Variants in CHRNB4 observed in about 807,000 individuals in gnomAD.
The protein encoded by CHRNB4 is cholinergic receptor nicotinic beta 4 subunit, also known as neuronal acetylcholine receptor subunit beta-4.
In CHRNB4, 23 loss-of-function variants were observed where a neutral mutation model predicts 40.4. The ratio of observed to expected loss-of-function variants is 0.57; its 90% CI spans 0.41 to 0.81. CHRNB4 has a LOEUF of 0.81. CHRNB4 is among the 30% of genes least tolerant of loss of function. The probability of loss-of-function intolerance (pLI) is 0.00; values close to 1 mark genes in which losing one functional copy is unlikely to be tolerated. For missense variants in CHRNB4, 568 were observed against 670.6 expected, an observed-to-expected ratio of 0.85 and a Z score of 1.69; for synonymous variants, 285 against 274.4, an observed-to-expected ratio of 1.04 and a Z score of -0.38.
At position 78,635,471 on chromosome 15, in the gene CHRNB4, G is replaced by T; in HGVS notation, c.172C>A (p.Leu58Met). The change falls in exon 2 of 6, where the codon CTG becomes ATG. Residue 58 changes from leucine (L) to methionine (M), a missense_variant. By Grantham distance (15) the Leu-to-Met change is conservative. Coordinates refer to ENST00000261751, the MANE Select transcript of CHRNB4 (RefSeq NM_000750.5). Reference sequence around the variant, plus strand: ...ATAAGCTGGGCCAGGGAGAGCTGCAGCTTGATGGAGATGAGCTGTGAGGAG... The same window carrying T: ...ATAAGCTGGGCCAGGGAGAGCTGCATCTTGATGGAGATGAGCTGTGAGGAG... ...TSSSQLISIK[L>M]QLSLAQLISV... 6.2e-7 allele frequency: 1 copy of T among 1,614,120 alleles called. No homozygotes were observed. Among genetic ancestry groups the T allele is most frequent in the Non-Finnish European group, 8.5e-7 (1 of 1,180,022 alleles).
At chr15:78,639,800 C>T (rs1256096604) in intron 1 of CHRNB4, among the ~76,000 whole-genome samples, 1 of 152,092 alleles carries the variant, frequency 6.6e-6, no homozygotes, top group African/African-American at 2.4e-5. Flanking sequence ...GAAACACTGC[C>T]ACTGGCCCCC....
At chr15:78,643,008 A>T (rs759363176), upstream of CHRNB4, among the ~76,000 whole-genome samples, 9 of 152,194 alleles carry the variant, frequency 5.9e-5, no homozygotes, top group Non-Finnish European at 1.0e-4. Context: ...GGGGAAAATA[A>T]CCTTCACAAT....
rs146687883 is a variant in CHRNB4, at chr15:78,629,237, C to T, written c.1068G>A (p.Pro356=). 3.9e-4 allele frequency: 632 copies of T among 1,613,392 alleles called. 4 individuals carry two copies. The African/African-American group carries it at 7.4e-3, about 19-fold the overall frequency. ...ACTTGCTGGGCGGGAAGGCTCTGGC[C>T]GGGCTGCTGTCGGGGCCAGGGCGCT... ...FMKRPGPDSS[P]ARAFPPSKSC... Residue 356 remains proline, a synonymous_variant, in exon 5 of 6, where the codon CCG becomes CCA. Coordinates refer to ENST00000261751, the MANE Select transcript of CHRNB4 (RefSeq NM_000750.5). The surrounding 1 kb of genome is among the most constrained non-coding windows in gnomAD (Gnocchi z 6.8).
At chr15:78,652,719 T>G (rs527666471) in intron 5 of CHRNB4, 1 of 152,366 alleles carries the variant, frequency 6.6e-6, no homozygotes, top group South Asian at 2.1e-4. Context: ...AGGGTACCCA[T>G]TTTGGTTCTG....
chr15:78,629,338 A>C lies in CHRNB4; in HGVS notation c.967T>G (p.Ser323Ala), dbSNP rs1345861802. The change falls in exon 5 of 6, where the codon TCG becomes GCG. Residue 323 changes from serine (S) to alanine (A), a missense_variant. Physicochemically the swap from Ser to Ala is moderately conservative, Grantham distance 99. Coordinates refer to ENST00000261751, the MANE Select transcript of CHRNB4 (RefSeq NM_000750.5). This position sits in a 1 kb window ranked among gnomAD's most constrained non-coding sequence, Gnocchi z 6.8. ...SVCVLNVHHRSPSTHTMAPWV... is the reference protein window; with the variant it reads ...SVCVLNVHHRAPSTHTMAPWV... ...GGTGCCATGGTGTGGGTGCTGGGCG[A>C]GCGGTGGTGCACATTGAGCACACAG... 1 of 1,614,022 alleles carries C rather than the reference A, an allele frequency of 6.2e-7. No homozygotes were observed. The highest frequency in any genetic ancestry group is 1.1e-5 in the South Asian group (1 of 91,070).
intron 1 of CHRNB4, among the ~76,000 whole-genome samples, chr15:78,640,806 C>G (rs1428886704): frequency 6.6e-6 from 1 of 152,232 alleles, no homozygotes; most frequent in Non-Finnish European, 1.5e-5. Context: ...CTGCCCAGCC[C>G]ACAGACACTC....
upstream of CHRNB4, chr15:78,641,378 T>G: frequency 2.2e-6 from 1 of 448,008 alleles, no homozygotes; most frequent in Non-Finnish European, 3.9e-6. Context: ...TCCCTATCTC[T>G]TCGGGCCTCG....
chr15:78,629,181 G>A lies in CHRNB4; in HGVS notation c.1124C>T (p.Thr375Ile), dbSNP rs61737499. ...SCVTKPEATA[T>I]STSPSNFYGN... is the part of the protein sequence containing the mutation. ...ATAGAAGTTGGAGGGGCTGGTGGAG[G>A]TGGCGGTGGCCTCGGGCTTGGTCAC... Residue 375 changes from threonine to isoleucine, a missense_variant, in exon 5 of 6, where the codon ACC (threonine) becomes ATC (isoleucine). Transcript: ENST00000261751. This position sits in a 1 kb window ranked among gnomAD's most constrained non-coding sequence, Gnocchi z 6.8. 8.7e-4 allele frequency: 1,405 copies of A among 1,614,010 alleles called. 15 individuals are homozygous for A. The African/African-American group carries it at 0.016, about 18-fold the overall frequency.
At position 78,629,842 on chromosome 15, in the gene CHRNB4, T is replaced by C. The variant is rs1162389009; in HGVS notation, c.463A>G (p.Ile155Val). The C allele has an allele frequency of 6.2e-7, 1 of 1,613,912 alleles. No homozygotes were observed. Among genetic ancestry groups the C allele is most frequent in the Non-Finnish European group, 8.5e-7 (1 of 1,180,028 alleles). ...PPAIYKSACKIEVKYFPFDQQ... is the reference protein window; with the variant it reads ...PPAIYKSACKVEVKYFPFDQQ... ...TCGAAGGGAAAGTACTTCACCTCAATCTTGCAGGCGCTCTTGTAGATGGCA... is the reference window on the plus strand; with the variant it reads ...TCGAAGGGAAAGTACTTCACCTCAACCTTGCAGGCGCTCTTGTAGATGGCA... Residue 155 changes from isoleucine (I) to valine (V), a missense_variant, in exon 5 of 6, where the codon ATT becomes GTT. Ile to Val is a conservative substitution (Grantham distance 29). This residue lies in a region of CHRNB4 where 127 missense variants were observed against 167.4 expected (regional missense o/e 0.76). Transcript: ENST00000261751. This position sits in a 1 kb window ranked among gnomAD's most constrained non-coding sequence, Gnocchi z 6.8.
At chr15:78,635,352 T>A in intron 2 of CHRNB4, 87 bp downstream of exon 2, 1 of 1,526,342 alleles carries the variant, frequency 6.6e-7, no homozygotes, top group Admixed American at 1.9e-5. Context: ...TATAGTAGTT[T>A]CATTCCTTTG....
At chr15:78,651,847 C>G (rs960831679) in intron 6 of CHRNB4, among the ~76,000 whole-genome samples, 1 of 152,204 alleles carries the variant, frequency 6.6e-6, no homozygotes. Flanking sequence ...TCCTTCAGCC[C>G]CTTAGCAGAA....
Position 78,647,747 on chromosome 15 carries a change from C to T in CHRNB4, c.46+1632G>A, listed in dbSNP as rs183360618. 4.2e-4 allele frequency among the ~76,000 whole-genome samples: 61 copies of T among 146,498 alleles called. No homozygotes were observed. In the East Asian group the frequency reaches 0.012, roughly 29 times the overall value. On this transcript the variant is annotated intron_variant and NMD_transcript_variant, in intron 7 of 11. Transcript: ENST00000559849. ...TGGTGGCAGGCACCTGTAGTCCCAG[C>T]TACTTGGGAGGCTGAGGCAGGAGAA...
At chr15:78,653,089 A>G (rs2054186504) in intron 5 of CHRNB4, among the ~76,000 whole-genome samples, 1 of 152,182 alleles carries the variant, frequency 6.6e-6, no homozygotes. Context: ...CTCAGCAGAT[A>G]GCACACCACC....
chr15:78,660,460 T>C (rs1379838011), intron 1 of CHRNB4: 4 of 152,346 alleles, frequency 2.6e-5, no homozygotes, highest in African/African-American at 9.6e-5. Context: ...TTCTCCTTTC[T>C]AGTAAAAACC....
upstream of CHRNB4, among the ~76,000 whole-genome samples, chr15:78,641,417 A>C (rs1169963166): frequency 2.0e-5 from 3 of 152,198 alleles, no homozygotes; most frequent in Non-Finnish European, 4.4e-5. Context: ...GGCAGGCAGG[A>C]CAGTGCGGGC....
chr15:78,652,325 T>G (rs965323876), intron 6 of CHRNB4, among the ~76,000 whole-genome samples: 3 of 152,182 alleles, frequency 2.0e-5, no homozygotes, highest in African/African-American at 7.2e-5. Flanking sequence ...GCTTTATAGA[T>G]CAGAGTCATA....
chr15:78,641,310 G>T, upstream of CHRNB4: 1 of 535,528 alleles, frequency 1.9e-6, no homozygotes, highest in Non-Finnish European at 3.1e-6. Flanking sequence ...GATGTACTGG[G>T]CCCGCTGCTC....
intron 5 of CHRNB4, among the ~76,000 whole-genome samples, chr15:78,655,274 C>T (rs1046544993): frequency 6.6e-6 from 1 of 151,338 alleles, no homozygotes; most frequent in African/African-American, 2.4e-5. Context: ...GTGGCGTGAT[C>T]ATGGCTCACT....
rs769386871 is a variant in CHRNB4, at chr15:78,629,379, GAGA to G, written c.923_925del (p.Phe308del). On this transcript the variant is annotated inframe_deletion, in exon 5 of 6. Coordinates refer to ENST00000261751, the MANE Select transcript of CHRNB4 (RefSeq NM_000750.5). This position sits in a 1 kb window ranked among gnomAD's most constrained non-coding sequence, Gnocchi z 6.8. Reference sequence around the variant, plus strand: ...GAGCACACAGACGCTGGTGACGATGGAGAAGGTGACCAGCACCATGGTGAACAT... The same window carrying G: ...GAGCACACAGACGCTGGTGACGATGGAGGTGACCAGCACCATGGTGAACAT... 11 of 1,614,056 alleles carry G rather than the reference GAGA, an allele frequency of 6.8e-6. No homozygotes were observed. Among genetic ancestry groups the G allele is most frequent in the Admixed American group, 5.0e-5 (3 of 60,010 alleles).
Sources: allele counts gnomAD v4.1 joint callset (sites outside exome capture counted in the v4.1 genomes callset), GRCh38; gene constraint gnomAD v4.1.1; regional missense constraint gnomAD v4.1.1; non-coding constraint Gnocchi (gnomAD v3.1); transcripts MANE v1.5; gene names NCBI Gene and HGNC (gene_info 2026-07-23, HGNC 2026-07-21).